Variants in LRRC42 observed in about 807,000 individuals in gnomAD.
The protein encoded by LRRC42 is leucine-rich repeat-containing protein 42.
A neutral mutation model predicts 44.3 loss-of-function variants in LRRC42; 43 were observed. That is an observed-to-expected ratio of 0.97 (90% CI 0.76 to 1.25). The LOEUF is 1.25. Among genes scored for constraint, LRRC42 ranks in the 50% most tolerant of loss-of-function variants. The pLI is 0.00. For synonymous variants in LRRC42, 207 were observed against 195.2 expected, an observed-to-expected ratio of 1.06 and a Z score of -0.50; for missense variants, 540 against 509.1, an observed-to-expected ratio of 1.06 and a Z score of -0.58.
chr1:53,956,990 G>C (rs1452185533), intron 3 of LRRC42, among the ~76,000 whole-genome samples: 1 of 152,104 alleles, frequency 6.6e-6, no homozygotes. Flanking sequence ...AGCTGAGCTC[G>C]GTCTCCAGGC....
At chr1:53,960,300 C>A in intron 4 of LRRC42, 56 bp from the exon 5 acceptor site, 18 of 1,179,186 alleles carry the variant, frequency 1.5e-5, no homozygotes, top group Non-Finnish European at 2.1e-5. Flanking sequence ...TGTTTTTATA[C>A]CTAGATTGTC....
chr1:53,949,554 G>A (rs1194618799), intron 2 of LRRC42, among the ~76,000 whole-genome samples: 2 of 152,212 alleles, frequency 1.3e-5, no homozygotes, highest in Non-Finnish European at 2.9e-5. Flanking sequence ...AAGGACATCT[G>A]CCGTAATTCC....
chr1:53,967,581 C>T (rs1655161177), intron 8 of LRRC42, 84 bp from the exon 9 acceptor site: 1 of 1,340,042 alleles, frequency 7.5e-7, no homozygotes, highest in Non-Finnish European at 1.0e-6. Flanking sequence ...GGGCCTTTGT[C>T]ATATCCCTGG....
chr1:53,949,417 G>A (rs1447950061), intron 2 of LRRC42, among the ~76,000 whole-genome samples: 1 of 152,216 alleles, frequency 6.6e-6, no homozygotes, highest in Non-Finnish European at 1.5e-5. Context: ...AATAGGGTAT[G>A]TTCCATAGAA....
intron 7 of LRRC42, 80 bp from the exon 8 acceptor site, chr1:53,966,216 G>C (rs998383934): frequency 1.7e-6 from 2 of 1,167,230 alleles, no homozygotes; most frequent in African/African-American, 1.5e-5. Context: ...TATGGAGAGG[G>C]AAAAAGGGGG....
Position 53,965,236 on chromosome 1 carries a change from C to T in LRRC42, c.928-1060C>T, listed in dbSNP as rs534148146. Among the ~76,000 whole-genome samples the T allele has an allele frequency of 2.6e-5, 4 of 151,980 alleles. No homozygotes were observed. In the South Asian group the frequency reaches 6.2e-4, roughly 24 times the overall value. On this transcript the variant is annotated intron_variant, in intron 7 of 8. Coordinates refer to ENST00000371370, the MANE Select transcript of LRRC42 (RefSeq NM_001256409.2). ...TCGAACTCCTGTGATCCGCCTGCCT[C>T]GGCCTCTCAAAGTGCTGGGATTACA...
intron 3 of LRRC42, among the ~76,000 whole-genome samples, chr1:53,957,539 G>T (rs1654873143): frequency 6.6e-6 from 1 of 152,210 alleles, no homozygotes; most frequent in Admixed American, 6.5e-5. Context: ...CGTGCTCAGG[G>T]TTTGTCTTAA....
chr1:53,967,515 G>A, intron 8 of LRRC42, 150 bp from the exon 9 acceptor site: 1 of 716,058 alleles, frequency 1.4e-6, no homozygotes, highest in Non-Finnish European at 2.4e-6. Context: ...GCACACCACA[G>A]CGACCTCACA....
chr1:53,951,269 T>C (rs939628906), intron 2 of LRRC42, among the ~76,000 whole-genome samples: 1 of 152,270 alleles, frequency 6.6e-6, no homozygotes. Flanking sequence ...TCATAATGTA[T>C]TTATTAACAT....
chr1:53,951,989 C>G lies in LRRC42; in HGVS notation c.-11C>G, dbSNP rs1319302530. ...TCCCTGTGCCTTGCTTTTACAGTTG[C>G]AACCAAGGCAATGTCTTACTACCTC... is the stretch of plus-strand genomic sequence containing the variant. On this transcript the variant is annotated 5_prime_UTR_variant, in exon 3 of 9. Coordinates refer to ENST00000371370, the MANE Select transcript of LRRC42 (RefSeq NM_001256409.2). 6 of 1,606,020 alleles carry G rather than the reference C, an allele frequency of 3.7e-6. No homozygotes were observed. Among genetic ancestry groups the G allele is most frequent in the Admixed American group, 3.4e-5 (2 of 59,054 alleles).
Position 53,960,477 on chromosome 1 carries a change from A to C in LRRC42, c.724+3A>C. 6.4e-7 allele frequency: 1 copy of C among 1,573,010 alleles called. No individual in the cohort carries two copies. The highest frequency in any genetic ancestry group is 8.7e-7 in the Non-Finnish European group (1 of 1,146,352). On this transcript the variant is annotated splice_donor_region_variant and intron_variant, in intron 5 of 8. Coordinates refer to ENST00000371370, the MANE Select transcript of LRRC42 (RefSeq NM_001256409.2). ...TCTAACATTATTAGACTTATCATGT[A>C]AGTTTTCTTCGAAATTATAGATTAT... is the stretch of plus-strand genomic sequence containing the variant.
At chr1:53,949,104 A>C (rs189342447) in intron 2 of LRRC42, among the ~76,000 whole-genome samples, 186 of 152,332 alleles carry the variant, frequency 1.2e-3, no homozygotes, top group African/African-American at 1.4e-3. Context: ...AACAAACAAA[A>C]AAACAACCAG....
intron 3 of LRRC42, among the ~76,000 whole-genome samples, chr1:53,953,765 C>T (rs1170920448): frequency 6.6e-6 from 1 of 150,994 alleles, no homozygotes; most frequent in East Asian, 2.0e-4. Flanking sequence ...CGGAATTTTC[C>T]TCGTTTCCCA....
At position 53,967,876 on chromosome 1, in the gene LRRC42, A is replaced by G. The variant is rs1655170658; in HGVS notation, c.1224A>G (p.Gln408=). ...ESETEQNNSS[Q]PSKQKYVCLA... The stretch of plus-strand genomic sequence containing the variant: ...AGACAGAACAGAATAACTCTTCACA[A>G]CCTTCAAAGCAGAAATATGTATGTC... The change falls in exon 9 of 9, where the codon CAA becomes CAG. Residue 408 remains glutamine, a synonymous_variant. Coordinates refer to ENST00000371370, the MANE Select transcript of LRRC42 (RefSeq NM_001256409.2). 6.2e-7 allele frequency: 1 copy of G among 1,614,118 alleles called. No homozygotes were observed. The highest frequency in any genetic ancestry group is 8.5e-7 in the Non-Finnish European group (1 of 1,180,048).
chr1:53,964,200 C>T (rs1219786092), intron 7 of LRRC42, among the ~76,000 whole-genome samples: 1 of 151,998 alleles, frequency 6.6e-6, no homozygotes, highest in Non-Finnish European at 1.5e-5. Context: ...CTGCAGCATT[C>T]GATAGAAACA....
rs1557649612 is a variant in LRRC42 at position 53,964,995 on chromosome 1, A to ATTTTTTTTTT, written c.928-1299_928-1298insTTTTTTTTTT. 1.4e-3 allele frequency among the ~76,000 whole-genome samples: 191 copies of ATTTTTTTTTT among 137,670 alleles called. 4 individuals carry two copies. The highest frequency in any genetic ancestry group is 5.4e-3 in the African/African-American group (178 of 32,766). The allele number at this position is 137,670 out of a possible 152,430, so 90.3% of individuals were successfully genotyped here. On this transcript the variant is annotated intron_variant, in intron 7 of 8. Transcript: ENST00000371370. ...GCCACTGTGCCTGGCCTGGAACTGT[A>ATTTTTTTTTT]TTGTTTTTTTTTGTTTTTTTTTTTT...
chr1:53,948,038 A>G lies in LRRC42; in HGVS notation c.-15+217A>G, dbSNP rs566698635. ...TCTATTAAAAGGCAATACTGACCTCATAGGATCATTAAAGATTACATGAGA... is the reference window on the plus strand; with the variant it reads ...TCTATTAAAAGGCAATACTGACCTCGTAGGATCATTAAAGATTACATGAGA... On this transcript the variant is annotated intron_variant, in intron 2 of 8. Transcript: ENST00000371370. The G allele has an allele frequency of 3.3e-5, 5 of 152,312 alleles. 1 individual carries two copies. The East Asian group carries it at 9.6e-4, about 29-fold the overall frequency. The allele number at this position is 152,312 out of a possible 1,614,324, so 9.4% of individuals were successfully genotyped here.
At position 53,949,342 on chromosome 1, in the gene LRRC42, G is replaced by A. The variant is rs189024518; in HGVS notation, c.-15+1521G>A. Among the ~76,000 whole-genome samples, 136 of 152,270 alleles carry A rather than the reference G, an allele frequency of 8.9e-4. 2 individuals are homozygous for A. The highest frequency in any genetic ancestry group is 3.2e-3 in the African/African-American group (132 of 41,544). On this transcript the variant is annotated intron_variant, in intron 2 of 8. Coordinates refer to ENST00000371370, the MANE Select transcript of LRRC42 (RefSeq NM_001256409.2). ...AGGCACTGTTAGGGGTGAGGGTTGG[G>A]GGCAATACAGATGGGCAGACCCTGT... is the stretch of plus-strand genomic sequence containing the variant.
intron 3 of LRRC42, among the ~76,000 whole-genome samples, chr1:53,956,711 C>G (rs1189630031): frequency 2.6e-5 from 4 of 152,232 alleles, no homozygotes; most frequent in African/African-American, 7.2e-5. Context: ...TGTGGCCTAA[C>G]ATGTTTGTTC....
Sources: allele counts gnomAD v4.1 joint callset (sites outside exome capture counted in the v4.1 genomes callset), GRCh38; gene constraint gnomAD v4.1.1; transcripts MANE v1.5; gene names NCBI Gene and HGNC (gene_info 2026-07-23, HGNC 2026-07-21).